Variants in PTPRD observed in about 807,000 individuals in gnomAD.
The protein encoded by PTPRD is protein tyrosine phosphatase receptor type D.
PTPRD carries 34 observed loss-of-function variants against 214.5 expected under a neutral mutation model. The observed-to-expected ratio is 0.16, with a 90% CI of 0.12 to 0.21. PTPRD has a LOEUF of 0.21. PTPRD is among the 10% of genes least tolerant of loss of function. The pLI is 1.00. For synonymous variants in PTPRD, 1,128 were observed against 845.7 expected (o/e 1.33, Z -5.79); for missense variants, 2,545 against 2,398.7 (o/e 1.06, Z -1.27).
At chr9:8,825,615 G>C (rs556867534) in intron 11 of PTPRD, among the ~76,000 whole-genome samples, 1 of 152,306 alleles carries the variant, frequency 6.6e-6, no homozygotes, top group African/African-American at 2.4e-5. Context: ...TGGCAAGAAA[G>C]AATTCATGGT....
intron 3 of PTPRD, among the ~76,000 whole-genome samples, chr9:10,037,669 T>G (rs1194010685): frequency 6.6e-6 from 1 of 151,836 alleles, no homozygotes; most frequent in African/African-American, 2.4e-5. Flanking sequence ...AAGTTCTCCA[T>G]GGGAATTGAC....
At chr9:9,590,545 T>A (rs551225085) in intron 7 of PTPRD, among the ~76,000 whole-genome samples, 3 of 152,026 alleles carry the variant, frequency 2.0e-5, no homozygotes, top group Non-Finnish European at 4.4e-5. Context: ...ATAATGAACA[T>A]CAATTCCTTA....
chr9:9,859,120 T>TC (rs1412836253), intron 5 of PTPRD, among the ~76,000 whole-genome samples: 1 of 152,154 alleles, frequency 6.6e-6, no homozygotes, highest in Non-Finnish European at 1.5e-5. Flanking sequence ...TCCCCCATGC[T>TC]CACACGCACA....
intron 4 of PTPRD, among the ~76,000 whole-genome samples, chr9:9,964,666 A>T (rs2094568302): frequency 6.6e-6 from 1 of 152,194 alleles, no homozygotes. Flanking sequence ...TTAGTTTATA[A>T]GCCTATTCAA....
chr9:9,154,625 C>T (rs553034089), intron 10 of PTPRD, among the ~76,000 whole-genome samples: 21 of 152,200 alleles, frequency 1.4e-4, no homozygotes, highest in African/African-American at 4.6e-4. Context: ...AAACTTCAGT[C>T]GATAGTAGTT....
chr9:9,905,098 A>G (rs1817007879), intron 5 of PTPRD, among the ~76,000 whole-genome samples: 1 of 152,024 alleles, frequency 6.6e-6, no homozygotes, highest in Non-Finnish European at 1.5e-5. Flanking sequence ...ATACCATCTA[A>G]GTAACTCACC....
chr9:9,804,996 T>G (rs2099063979), intron 5 of PTPRD, among the ~76,000 whole-genome samples: 1 of 152,116 alleles, frequency 6.6e-6, no homozygotes, highest in Non-Finnish European at 1.5e-5. Flanking sequence ...TGTAAAATAT[T>G]GTACAGATTA....
chr9:8,685,888 T>C (rs538515270), intron 12 of PTPRD, among the ~76,000 whole-genome samples: 259 of 152,378 alleles, frequency 1.7e-3, no homozygotes, highest in African/African-American at 6.0e-3. Flanking sequence ...CTCTTTATTA[T>C]GTCTTTAAAA....
intron 14 of PTPRD, among the ~76,000 whole-genome samples, chr9:8,569,707 C>T (rs1282870091): frequency 6.6e-6 from 1 of 152,092 alleles, no homozygotes; most frequent in Non-Finnish European, 1.5e-5. Flanking sequence ...AAAACTTCCA[C>T]TGCTTAAAAA....
intron 14 of PTPRD, among the ~76,000 whole-genome samples, chr9:8,608,085 G>A (rs567338717): frequency 4.0e-5 from 6 of 151,496 alleles, no homozygotes; most frequent in South Asian, 4.2e-4. Flanking sequence ...ATTCAATTCC[G>A]CATATAGCTG....
chr9:9,042,839 G>T (rs2099644984), intron 10 of PTPRD, among the ~76,000 whole-genome samples: 1 of 151,928 alleles, frequency 6.6e-6, no homozygotes. Flanking sequence ...TTGAGTCAGG[G>T]ATTATTGATA....
chr9:8,591,246 A>G (rs1299699570), intron 14 of PTPRD, among the ~76,000 whole-genome samples: 1 of 152,168 alleles, frequency 6.6e-6, no homozygotes, highest in Non-Finnish European at 1.5e-5. Context: ...GTAGGGTAAC[A>G]TAGTCATCAC....
intron 10 of PTPRD, among the ~76,000 whole-genome samples, chr9:9,077,128 T>C (rs939463888): frequency 1.3e-5 from 2 of 148,550 alleles, no homozygotes; most frequent in African/African-American, 5.0e-5. Flanking sequence ...TCACATCGTT[T>C]TGCCCATTTT....
At chr9:10,209,081 C>G (rs1371206302) in intron 3 of PTPRD, among the ~76,000 whole-genome samples, 1 of 152,042 alleles carries the variant, frequency 6.6e-6, no homozygotes, top group African/African-American at 2.4e-5. Flanking sequence ...TGCTGCAGTT[C>G]GTGATTTTTT....
intron 35 of PTPRD, among the ~76,000 whole-genome samples, chr9:8,421,946 G>A (rs1226403712): frequency 3.3e-5 from 5 of 151,282 alleles, no homozygotes; most frequent in East Asian, 1.9e-4. Context: ...CCAGTAGTTC[G>A]AGACCAACCT....
chr9:8,733,549 G>A (rs2098683432), intron 12 of PTPRD, among the ~76,000 whole-genome samples: 1 of 152,128 alleles, frequency 6.6e-6, no homozygotes, highest in Non-Finnish European at 1.5e-5. Flanking sequence ...TAAATAAACA[G>A]GAGGAGCAGT....
rs140260627 is a variant in PTPRD, at chr9:10,238,702, A to G, written c.-545+102261T>C. Among the ~76,000 whole-genome samples the G allele has an allele frequency of 1.1e-3, 163 of 152,108 alleles. 1 individual carries two copies. Among genetic ancestry groups the G allele is most frequent in the African/African-American group, 3.7e-3 (153 of 41,554 alleles). ...AAATCCTATCTAAAAATTGTAGACA[A>G]TAATATATAGCAAACTATGTTATGC... On this transcript the variant is annotated intron_variant, in intron 3 of 45. Transcript: ENST00000381196.
intron 3 of PTPRD, among the ~76,000 whole-genome samples, chr9:10,170,648 C>A (rs1196910711): frequency 6.6e-6 from 1 of 152,174 alleles, no homozygotes; most frequent in Non-Finnish European, 1.5e-5. Flanking sequence ...GATCGCACCA[C>A]TGCACTCCAG....
chr9:9,825,265 T>A (rs919770156), intron 5 of PTPRD, among the ~76,000 whole-genome samples: 5 of 151,738 alleles, frequency 3.3e-5, no homozygotes, highest in African/African-American at 7.3e-5. Flanking sequence ...TTTAAGAGCT[T>A]CTCAACCTCT....
Sources: allele counts gnomAD v4.1 joint callset (sites outside exome capture counted in the v4.1 genomes callset), GRCh38; gene constraint gnomAD v4.1.1; transcripts MANE v1.5; gene names NCBI Gene and HGNC (gene_info 2026-07-23, HGNC 2026-07-21).